GATAD2A: variants seen among roughly 807,000 people sequenced by gnomAD.
GATAD2A encodes the protein GATA zinc finger domain containing 2A, also known as transcriptional repressor p66-alpha.
Under a neutral mutation model 68.5 loss-of-function variants are expected in GATAD2A, and 12 were observed. The ratio of observed to expected loss-of-function variants is 0.18; its 90% CI spans 0.11 to 0.28. GATAD2A has a LOEUF of 0.28. GATAD2A is among the 10% of genes least tolerant of loss of function. GATAD2A has a pLI of 1.00. For missense variants in GATAD2A, 755 were observed against 868.5 expected (o/e 0.87, Z 1.64); for synonymous variants, 410 against 375.3 (o/e 1.09, Z -1.07).
chr19:19,498,885 G>A (rs1379435596), intron 8 of GATAD2A, among the ~76,000 whole-genome samples, 163 bp downstream of exon 8: 1 of 152,248 alleles, frequency 6.6e-6, no homozygotes, highest in African/African-American at 2.4e-5. Flanking sequence ...TGTGGAGTCT[G>A]GACACTGTCC....
chr19:19,397,319 C>T (rs556109316), intron 1 of GATAD2A, among the ~76,000 whole-genome samples: 3 of 150,368 alleles, frequency 2.0e-5, no homozygotes, highest in South Asian at 2.1e-4. Flanking sequence ...CTCAGCTTAC[C>T]GCAACCTCCG....
At chr19:19,484,169 C>G (rs746279462) in intron 2 of GATAD2A, among the ~76,000 whole-genome samples, 3 of 152,152 alleles carry the variant, frequency 2.0e-5, no homozygotes, top group Non-Finnish European at 2.9e-5. Context: ...CACAGCGAGA[C>G]CCCACCTGTA....
rs769248770 is a variant in GATAD2A, at chr19:19,502,513, G to A, written c.1761G>A (p.Thr587=). 32 of 1,611,064 alleles carry A rather than the reference G, an allele frequency of 2.0e-5. No homozygotes were observed. Among genetic ancestry groups the A allele is most frequent in the East Asian group, 1.8e-4 (8 of 44,896 alleles). ...KGSATSNWKK[T]PLSTGGTLAF... is the part of the protein sequence containing the mutation. Reference sequence around the variant, plus strand: ...GCGCCACCTCCAACTGGAAGAAGACGCCCCTCAGCACAGGTGGGTGACCTC... The same window carrying A: ...GCGCCACCTCCAACTGGAAGAAGACACCCCTCAGCACAGGTGGGTGACCTC... Residue 587 remains threonine (T), a synonymous_variant, in exon 11 of 12, where the codon ACG becomes ACA. Transcript: ENST00000683918.
At chr19:19,502,287 G>C (rs1369989001) in intron 10 of GATAD2A, 44 bp from the exon 11 acceptor site, 1 of 1,455,458 alleles carries the variant, frequency 6.9e-7, no homozygotes, top group Non-Finnish European at 9.5e-7. Context: ...GCCTGCTGCT[G>C]TCTTTTCCCT....
At position 19,505,675 on chromosome 19, in the gene GATAD2A, T is replaced by G. The variant is rs1371455117; in HGVS notation, c.*201T>G. 1 of 498,610 alleles carries G rather than the reference T, an allele frequency of 2.0e-6. No homozygotes were observed. The highest frequency in any genetic ancestry group is 2.0e-5 in the African/African-American group (1 of 49,374). 30.9% of individuals were successfully genotyped at this position (498,610 alleles called of 1,614,324 possible). A position where few individuals can be genotyped will look rare whatever the true frequency, so the allele number is the denominator to read the frequency against. On this transcript the variant is annotated 3_prime_UTR_variant, in exon 12 of 12. Coordinates refer to ENST00000683918, the MANE Select transcript of GATAD2A (RefSeq NM_001384528.1). The stretch of plus-strand genomic sequence containing the variant: ...GGGCTAGGGGGCTGGTGCCGCCTCA[T>G]AGGCAGACGAGGATCATCGCTGGGG...
intron 1 of GATAD2A, chr19:19,427,675 T>A (rs1311538447): frequency 6.4e-6 from 1 of 156,798 alleles, no homozygotes. Flanking sequence ...TTTCTTTCTT[T>A]CTTTCTTTTT....
rs62000442 is a variant in GATAD2A at position 19,498,530 on chromosome 19, G to A, written c.1012G>A (p.Ala338Thr). The stretch of plus-strand genomic sequence containing the variant: ...TAGTGTGGCCTCTGTGGTCACCTCT[G>A]CCGAGTCTCCAGCAAGCCGACAGGC... Reference protein sequence around the residue: ...PTSVASVVTSAESPASRQAAA... With the variant: ...PTSVASVVTSTESPASRQAAA... The change falls in exon 8 of 12, where the codon GCC becomes ACC. Residue 338 changes from alanine (A) to threonine (T), a missense_variant. Transcript: ENST00000683918. 1.1e-5 allele frequency: 18 copies of A among 1,613,786 alleles called. No homozygotes were observed. Among genetic ancestry groups the A allele is most frequent in the Non-Finnish European group, 1.5e-5 (18 of 1,180,022 alleles).
intron 1 of GATAD2A, among the ~76,000 whole-genome samples, chr19:19,408,889 G>GTCCCCCTTGC (rs2050598871): frequency 1.3e-5 from 2 of 152,154 alleles, no homozygotes; most frequent in Non-Finnish European, 2.9e-5. Context: ...TCTTGAAGGG[G>GTCCCCCTTGC]ATTAAGGCAA....
intron 1 of GATAD2A, among the ~76,000 whole-genome samples, chr19:19,429,405 A>C (rs2053476637): frequency 6.6e-6 from 1 of 152,088 alleles, no homozygotes; most frequent in South Asian, 2.1e-4. Context: ...AAAGGAGGCC[A>C]GGTGGTTGGA....
upstream of GATAD2A, chr19:19,401,899 G>A (rs990602929): frequency 1.3e-5 from 2 of 152,130 alleles, no homozygotes; most frequent in African/African-American, 4.8e-5. Context: ...TCCCTCAGTT[G>A]TATAGGGACA....
At chr19:19,441,149 T>C (rs1266087251) in intron 1 of GATAD2A, among the ~76,000 whole-genome samples, 1 of 151,290 alleles carries the variant, frequency 6.6e-6, no homozygotes, top group East Asian at 2.0e-4. Context: ...TTCAAGTGAT[T>C]CTCCTGCTTC....
chr19:19,497,556 G>T (rs777912329), intron 7 of GATAD2A, among the ~76,000 whole-genome samples: 1 of 152,174 alleles, frequency 6.6e-6, no homozygotes, highest in Non-Finnish European at 1.5e-5. Flanking sequence ...GGGAGGCCTG[G>T]GTTTGGTCTT....
intron 1 of GATAD2A, among the ~76,000 whole-genome samples, chr19:19,395,940 A>G (rs775159775): frequency 4.6e-5 from 7 of 152,108 alleles, no homozygotes; most frequent in Non-Finnish European, 8.8e-5. Context: ...ATTAAACTCA[A>G]ATCCTCGTTT....
chr19:19,465,332 C>T lies in GATAD2A; in HGVS notation c.-6-8C>T, dbSNP rs750106856. The T allele has an allele frequency of 8.1e-6, 13 of 1,611,656 alleles. No homozygotes were observed. In the Middle Eastern group the frequency reaches 5.0e-4, roughly 61 times the overall value. The stretch of plus-strand genomic sequence containing the variant: ...GTTAAAATGTTGTGTCTTCTCCTCC[C>T]TCCCAAGTTCAGAATGACCGAAGAA... On this transcript the variant is annotated splice_polypyrimidine_tract_variant and splice_region_variant and intron_variant, in intron 1 of 11. Transcript: ENST00000683918.
intron 1 of GATAD2A, among the ~76,000 whole-genome samples, chr19:19,392,079 C>CTTTT (rs753791949): frequency 3.5e-4 from 37 of 107,076 alleles, no homozygotes; most frequent in South Asian, 6.1e-4. Context: ...AGAGTTTTTC[C>CTTTT]TTTTTTTTTT....
At chr19:19,474,615 A>C (rs563739945) in intron 2 of GATAD2A, among the ~76,000 whole-genome samples, 1 of 152,210 alleles carries the variant, frequency 6.6e-6, no homozygotes, top group Non-Finnish European at 1.5e-5. Flanking sequence ...GCAGCCTCCA[A>C]TTTGGGCCTG....
At chr19:19,471,352 C>T (rs1208111859) in intron 2 of GATAD2A, among the ~76,000 whole-genome samples, 2 of 151,944 alleles carry the variant, frequency 1.3e-5, no homozygotes, top group African/African-American at 2.4e-5. Context: ...TTATAAACTA[C>T]TCATGTGTGC....
rs949113291 is a variant in GATAD2A at position 19,506,426 on chromosome 19, C to T, written c.*952C>T. ...ATTTTTTCCTTTTTTCTATTCATTTCGATGGACGCAATCTTAAGCCACCCT... is the reference window on the plus strand; with the variant it reads ...ATTTTTTCCTTTTTTCTATTCATTTTGATGGACGCAATCTTAAGCCACCCT... On this transcript the variant is annotated 3_prime_UTR_variant, in exon 12 of 12. Transcript: ENST00000683918. 3.4e-5 allele frequency: 10 copies of T among 298,274 alleles called. No individual in the cohort carries two copies. Among genetic ancestry groups the T allele is most frequent in the South Asian group, 1.6e-4 (1 of 6,100 alleles). 18.5% of individuals were successfully genotyped at this position (298,274 alleles called of 1,614,324 possible).
chr19:19,432,452 C>T (rs2053858025), intron 1 of GATAD2A, among the ~76,000 whole-genome samples: 1 of 152,168 alleles, frequency 6.6e-6, no homozygotes, highest in Admixed American at 6.5e-5. Context: ...CAGGCATATG[C>T]CATCATGCCC....
Sources: allele counts gnomAD v4.1 joint callset (sites outside exome capture counted in the v4.1 genomes callset), GRCh38; gene constraint gnomAD v4.1.1; transcripts MANE v1.5; gene names NCBI Gene and HGNC (gene_info 2026-07-23, HGNC 2026-07-21).